The following ANKH variants were observed in gnomAD, a reference collection of about 807,000 sequenced individuals.
ANKH encodes mineralization regulator ANKH.
In ANKH, 15 loss-of-function variants were observed where a neutral mutation model predicts 49.0. The ratio of observed to expected loss-of-function variants is 0.31; its 90% CI spans 0.20 to 0.47. The LOEUF (loss-of-function observed/expected upper bound fraction) is 0.47, where lower values mean the gene tolerates loss of function less well. ANKH is among the 20% of genes least tolerant of loss of function. ANKH has a pLI of 1.00. For synonymous variants in ANKH, 273 were observed against 260.0 expected, an observed-to-expected ratio of 1.05 and a Z score of -0.48; for missense variants, 429 against 652.0, an observed-to-expected ratio of 0.66 and a Z score of 3.72.
chr5:14,744,531 G>A (rs1428686373), intron 7 of ANKH, among the ~76,000 whole-genome samples: 2 of 152,114 alleles, frequency 1.3e-5, no homozygotes, highest in African/African-American at 4.8e-5. Flanking sequence ...TACCCTGATG[G>A]GGAAGTGGGA....
intron 1 of ANKH, among the ~76,000 whole-genome samples, chr5:14,843,171 TTC>T (rs888065711): frequency 7.0e-6 from 1 of 143,482 alleles, no homozygotes; most frequent in African/African-American, 2.6e-5. Context: ...GCCACCAGGG[TTC>T]TCTTTTTTTT....
chr5:14,826,713 C>T (rs1224317719), intron 1 of ANKH, among the ~76,000 whole-genome samples: 42 of 152,092 alleles, frequency 2.8e-4, no homozygotes, highest in Non-Finnish European at 1.0e-4. Flanking sequence ...TGTTGCATGC[C>T]AAGTAAGAGA....
intron 7 of ANKH, among the ~76,000 whole-genome samples, chr5:14,744,851 G>T (rs1739728569): frequency 6.6e-6 from 1 of 152,334 alleles, no homozygotes; most frequent in East Asian, 1.9e-4. Context: ...AAGGAGAGAG[G>T]CCTGCAGCCT....
At chr5:14,721,026 C>T (rs2126425304) in intron 8 of ANKH, among the ~76,000 whole-genome samples, 1 of 152,274 alleles carries the variant, frequency 6.6e-6, no homozygotes, top group Non-Finnish European at 1.5e-5. Flanking sequence ...ATCAGAAAAC[C>T]TTTGGAGCAG....
chr5:14,754,427 G>C (rs1580040157), intron 4 of ANKH, among the ~76,000 whole-genome samples: 1 of 151,204 alleles, frequency 6.6e-6, no homozygotes, highest in South Asian at 2.1e-4. Flanking sequence ...TTTGAAATTA[G>C]AGAGGCTTAC....
chr5:14,871,355 C>G lies in ANKH; in HGVS notation c.93G>C (p.Glu31Asp), dbSNP rs1310948601. ...GGGGCGCGGGGCCGGGGCTTACCTG[C>G]TCCCCGAAGTCGATGGCTATGTTGG... ...GITNIAIDFG[E>D]QALNRGIAAV... The change falls in exon 1 of 12, where the codon GAG becomes GAC. Residue 31 changes from glutamate (E) to aspartate (D), a missense_variant. Glu to Asp is a conservative substitution (Grantham distance 45, BLOSUM62 2). Transcript: ENST00000284268. 3.7e-6 allele frequency: 6 copies of G among 1,611,558 alleles called. No individual in the cohort carries two copies. Among genetic ancestry groups the G allele is most frequent in the Non-Finnish European group, 5.1e-6 (6 of 1,178,648 alleles).
At chr5:14,810,817 ACT>A (rs1213277487) in intron 1 of ANKH, among the ~76,000 whole-genome samples, 1 of 152,138 alleles carries the variant, frequency 6.6e-6, no homozygotes, top group African/African-American at 2.4e-5. Flanking sequence ...AAAAAAGCAG[ACT>A]CAGTATGAGA....
intron 1 of ANKH, among the ~76,000 whole-genome samples, chr5:14,866,622 C>T (rs1005887824): frequency 2.6e-5 from 4 of 152,316 alleles, no homozygotes; most frequent in African/African-American, 9.6e-5. Flanking sequence ...ACTATCTCAA[C>T]ATGCTCCTTT....
intron 1 of ANKH, among the ~76,000 whole-genome samples, chr5:14,861,048 G>A (rs1735473241): frequency 6.6e-6 from 1 of 152,116 alleles, no homozygotes; most frequent in Admixed American, 6.5e-5. Flanking sequence ...CTCCCAAAGT[G>A]CTGGCAGGCA....
In ANKH at chr5:14,746,241, A is replaced by G. The variant is rs697568; in HGVS notation, c.823-279T>C. ...GAGGGGGATGCGTCACATTTTACGC[A>G]GATCCAATGAGAAACAGGTGCAGAC... On this transcript the variant is annotated intron_variant, in intron 6 of 11. Coordinates refer to ENST00000284268, the MANE Select transcript of ANKH (RefSeq NM_054027.6). 0.32 allele frequency among the ~76,000 whole-genome samples: 47,883 copies of G among 151,352 alleles called. 8,674 individuals are homozygous for G. The highest frequency in any genetic ancestry group is 0.51 in the African/African-American group (20,769 of 41,084).
intron 1 of ANKH, among the ~76,000 whole-genome samples, chr5:14,785,599 AG>A (rs1249065756): frequency 2.6e-5 from 4 of 152,212 alleles, no homozygotes; most frequent in Admixed American, 2.0e-4. Context: ...ATCCAGTCTC[AG>A]GTATTTTCTT....
chr5:14,869,785 T>C (rs1735762573), intron 1 of ANKH: 1 of 152,234 alleles, frequency 6.6e-6, no homozygotes, highest in Admixed American at 6.5e-5. Flanking sequence ...TTTCCACTAG[T>C]TATCTCGATA....
At chr5:14,818,063 C>CA (rs34516771) in intron 1 of ANKH, among the ~76,000 whole-genome samples, 24,124 of 72,304 alleles carry the variant, frequency 0.33, 3,415 homozygotes, top group Non-Finnish European at 0.36. Context: ...GACTTTGTCT[C>CA]AAAAAAAAAA....
intron 8 of ANKH, among the ~76,000 whole-genome samples, chr5:14,721,820 C>T (rs1383474474): frequency 6.7e-6 from 1 of 149,544 alleles, no homozygotes; most frequent in Admixed American, 6.8e-5. Flanking sequence ...GTCCCAGCTA[C>T]TCGTGAGGCT....
At position 14,804,320 on chromosome 5, in the gene ANKH, C is replaced by T. The variant is rs139517193; in HGVS notation, c.97-35129G>A. ...ATGTATGTCCCCAGCTCTGCGCCTC[C>T]GTCTTCGGAGCAGCCCTCCCACCAC... On this transcript the variant is annotated intron_variant, in intron 1 of 11. Transcript: ENST00000284268. 2.3e-3 allele frequency among the ~76,000 whole-genome samples: 348 copies of T among 152,350 alleles called. 1 individual carries two copies. Among genetic ancestry groups the T allele is most frequent in the African/African-American group, 6.9e-3 (285 of 41,582 alleles).
intron 1 of ANKH, among the ~76,000 whole-genome samples, chr5:14,819,957 C>T (rs535971896): frequency 6.6e-6 from 1 of 151,178 alleles, no homozygotes; most frequent in Non-Finnish European, 1.5e-5. Context: ...TAATCTCTAA[C>T]AACCTTTGCA....
intron 9 of ANKH, among the ~76,000 whole-genome samples, chr5:14,715,793 T>C (rs1203827839): frequency 6.6e-6 from 1 of 152,248 alleles, no homozygotes; most frequent in African/African-American, 2.4e-5. Flanking sequence ...TGATTTAATC[T>C]AGAACAACCT....
At chr5:14,732,005 C>A (rs556345166) in intron 8 of ANKH, among the ~76,000 whole-genome samples, 1 of 152,164 alleles carries the variant, frequency 6.6e-6, no homozygotes, top group Admixed American at 6.5e-5. Flanking sequence ...CCCACAGGAC[C>A]CAGGTTTCTG....
Position 14,749,316 on chromosome 5 carries a change from G to A in ANKH, c.688-10C>T. The A allele has an allele frequency of 6.2e-7, 1 of 1,614,142 alleles. No individual in the cohort carries two copies. Among genetic ancestry groups the A allele is most frequent in the Non-Finnish European group, 8.5e-7 (1 of 1,180,018 alleles). On this transcript the variant is annotated splice_polypyrimidine_tract_variant and intron_variant, in intron 5 of 11. Transcript: ENST00000284268. ...TTATTGTTGCATCTCCCTGTGTTAA[G>A]AAACGAAGATAAAAGTTACCTGAAC... is the stretch of plus-strand genomic sequence containing the variant.
Sources: gnomAD v4.1 joint callset for allele counts (sites outside exome capture counted in the v4.1 genomes callset) on GRCh38, gnomAD v4.1.1 for gene constraint, MANE v1.5 for transcripts, NCBI Gene and HGNC (gene_info 2026-07-23, HGNC 2026-07-21) for gene names.